TRIM14: variants seen among roughly 807,000 people sequenced by gnomAD.
TRIM14 encodes tripartite motif containing 14.
Under a neutral mutation model 44.5 loss-of-function variants are expected in TRIM14, and 28 were observed. The ratio of observed to expected loss-of-function variants is 0.63; its 90% confidence interval spans 0.47 to 0.86. TRIM14 has a LOEUF of 0.86. Among genes scored for constraint, TRIM14 ranks in the 40% least tolerant of loss-of-function variants. The pLI is 0.00. For synonymous variants in TRIM14, 299 were observed against 269.2 expected, an observed-to-expected ratio of 1.11 and a Z score of -1.08; for missense variants, 607 against 611.1, an observed-to-expected ratio of 0.99 and a Z score of 0.07.
At chr9:98,094,726 A>G in intron 4 of TRIM14, 141 bp downstream of exon 4, 1 of 921,920 alleles carries the variant, frequency 1.1e-6, no homozygotes, top group Non-Finnish European at 1.6e-6. Flanking sequence ...GTTGGGCACC[A>G]GGCCCAGGAG....
intron 6 of TRIM14, among the ~76,000 whole-genome samples, chr9:98,074,381 C>G (rs1485791433): frequency 6.6e-6 from 1 of 152,136 alleles, no homozygotes; most frequent in Non-Finnish European, 1.5e-5. Flanking sequence ...AACCCGATAG[C>G]ACGGTCGGCA....
At chr9:98,045,010 G>C in the TRIM14 span, among the ~76,000 whole-genome samples, 2 of 152,088 alleles carry the variant, frequency 1.3e-5, no homozygotes, top group Non-Finnish European at 1.5e-5. Flanking sequence ...CTACGTGAGA[G>C]GCTGAGGCAG....
In TRIM14 at chr9:98,087,397, C is replaced by T; in HGVS notation, c.*73G>A. The T allele has an allele frequency of 6.2e-7, 1 of 1,607,284 alleles. No homozygotes were observed. The highest frequency in any genetic ancestry group is 1.1e-5 in the South Asian group (1 of 90,576). On this transcript the variant is annotated 3_prime_UTR_variant, in exon 6 of 6. Transcript: ENST00000341469. ...AAGCAGGCAGTAAGGGGACCAGCCA[C>T]GCTGATCTAGGTAGATTAGGCGAGA...
At chr9:98,091,588 TAA>T (rs987391803) in intron 5 of TRIM14, among the ~76,000 whole-genome samples, 3 of 152,082 alleles carry the variant, frequency 2.0e-5, no homozygotes, top group African/African-American at 7.2e-5. Flanking sequence ...GTTTGTAACA[TAA>T]AAAGATATAT....
intron 2 of TRIM14, among the ~76,000 whole-genome samples, chr9:98,102,925 G>A (rs888695676): frequency 6.6e-6 from 1 of 152,110 alleles, no homozygotes; most frequent in African/African-American, 2.4e-5. Context: ...GGTGGCTCAC[G>A]CCTGCAATCC....
downstream of TRIM14, among the ~76,000 whole-genome samples, chr9:98,080,161 C>T (rs1353309939): frequency 6.6e-6 from 1 of 152,204 alleles, no homozygotes; most frequent in African/African-American, 2.4e-5. Context: ...TTGCAGTGAG[C>T]TGAGATCACG....
At chr9:98,079,285 G>T (rs1490777257) in intron 6 of TRIM14, among the ~76,000 whole-genome samples, 2 of 152,086 alleles carry the variant, frequency 1.3e-5, no homozygotes, top group Non-Finnish European at 2.9e-5. Context: ...AACTTTATTC[G>T]AAAATATGTA....
chr9:98,040,593 G>A, the TRIM14 span, among the ~76,000 whole-genome samples: 3 of 150,528 alleles, frequency 2.0e-5, no homozygotes, highest in Middle Eastern at 6.5e-3. Flanking sequence ...CTCCACTCAA[G>A]ACCTCTGCTC....
chr9:98,115,115 A>T (rs1051378163), intron 1 of TRIM14, among the ~76,000 whole-genome samples: 3 of 151,866 alleles, frequency 2.0e-5, no homozygotes, highest in Admixed American at 2.0e-4. Context: ...TTTTAGACAG[A>T]GTCTTGCTCT....
chr9:98,056,749 C>G, the TRIM14 span: 2 of 1,512,320 alleles, frequency 1.3e-6, no homozygotes, highest in Admixed American at 3.9e-5. Flanking sequence ...AGAGTAGAGG[C>G]GGCGGCGGCG....
At chr9:98,059,723 G>GTT in the TRIM14 span, among the ~76,000 whole-genome samples, 9 of 150,068 alleles carry the variant, frequency 6.0e-5, no homozygotes, top group African/African-American at 2.2e-4. Context: ...CCTCTTGAGT[G>GTT]TTTTTTGTTT....
At chr9:98,065,174 C>T (rs150128634), downstream of TRIM14, among the ~76,000 whole-genome samples, 7 of 152,234 alleles carry the variant, frequency 4.6e-5, no homozygotes, top group East Asian at 1.4e-3. Flanking sequence ...TGGGCGTACT[C>T]ACAGCCCAGG....
chr9:98,044,862 C>T, the TRIM14 span, among the ~76,000 whole-genome samples: 1 of 152,102 alleles, frequency 6.6e-6, no homozygotes. Flanking sequence ...CCTATAATCA[C>T]AGCACTTTGG....
the TRIM14 span, among the ~76,000 whole-genome samples, chr9:98,043,971 CTTG>C: frequency 4.0e-5 from 6 of 148,680 alleles, no homozygotes; most frequent in Non-Finnish European, 6.0e-5. Context: ...GGTTACTCTT[CTTG>C]TTTTCTCCGC....
At chr9:98,053,724 C>T in the TRIM14 span, among the ~76,000 whole-genome samples, 1 of 152,040 alleles carries the variant, frequency 6.6e-6, no homozygotes, top group Non-Finnish European at 1.5e-5. Flanking sequence ...GGTTCCCTTT[C>T]TCTGCAGCTT....
Position 98,085,531 on chromosome 9 carries a change from A to G in TRIM14, c.*1939T>C, listed in dbSNP as rs946748646. The G allele has an allele frequency of 1.3e-5, 2 of 152,296 alleles. No individual in the cohort carries two copies. The highest frequency in any genetic ancestry group is 4.8e-5 in the African/African-American group (2 of 41,430). The allele number at this position is 152,296 out of a possible 1,614,324, so 9.4% of individuals were successfully genotyped here. ...GTGGGTCTGGGAAGAGGTCTTGGTC[A>G]TCAGGGATGGGCAGAAATGTTGGGG... On this transcript the variant is annotated 3_prime_UTR_variant, in exon 6 of 6. Transcript: ENST00000341469.
chr9:98,045,490 A>G, the TRIM14 span, among the ~76,000 whole-genome samples: 1 of 152,208 alleles, frequency 6.6e-6, no homozygotes, highest in African/African-American at 2.4e-5. Flanking sequence ...ACTGTGTTCA[A>G]ATAAGACAAA....
intron 2 of TRIM14, among the ~76,000 whole-genome samples, chr9:98,104,209 T>C (rs979538141): frequency 4.6e-5 from 7 of 152,200 alleles, no homozygotes; most frequent in African/African-American, 1.7e-4. Context: ...CACAAATATA[T>C]ATTTACTGAA....
In TRIM14 at chr9:98,096,689, C is replaced by T. The variant is rs948716974; in HGVS notation, c.538-1660G>A. On this transcript the variant is annotated intron_variant, in intron 3 of 5. Coordinates refer to ENST00000341469, the MANE Select transcript of TRIM14 (RefSeq NM_014788.4). ...CATTCTCCAATTCCAATCTCCATTCCTGTGGCATCTCTTGACCTGCCTGTT... is the reference window on the plus strand; with the variant it reads ...CATTCTCCAATTCCAATCTCCATTCTTGTGGCATCTCTTGACCTGCCTGTT... Among the ~76,000 whole-genome samples the T allele has an allele frequency of 2.6e-5, 4 of 152,254 alleles. 1 individual carries two copies. The highest frequency in any genetic ancestry group is 6.5e-5 in the Admixed American group (1 of 15,296).
Sources: allele counts gnomAD v4.1 joint callset (sites outside exome capture counted in the v4.1 genomes callset), GRCh38; gene constraint gnomAD v4.1.1; transcripts MANE v1.5; gene names NCBI Gene and HGNC (gene_info 2026-07-23, HGNC 2026-07-21).